Variants in RASSF3 observed in about 807,000 individuals in gnomAD.
RASSF3 encodes the protein Ras association domain family member 3.
In RASSF3, 19 loss-of-function variants were observed where a neutral mutation model predicts 19.9. That is an observed-to-expected ratio of 0.96 (90% CI 0.67 to 1.40). The LOEUF is 1.40. Ranked by LOEUF, RASSF3 falls within the 40% of genes most tolerant of loss-of-function variation. The probability of loss-of-function intolerance (pLI) is 0.00; values close to 1 mark genes in which losing one functional copy is unlikely to be tolerated. For missense variants in RASSF3, 306 were observed against 289.8 expected, an observed-to-expected ratio of 1.06 and a Z score of -0.41; for synonymous variants, 110 against 104.2, an observed-to-expected ratio of 1.06 and a Z score of -0.34.
At chr12:64,691,733 G>GAGAAGTGAGTTGGAGGGC (rs1555217318) in intron 4 of RASSF3, among the ~76,000 whole-genome samples, 154 bp downstream of exon 4, 1 of 152,152 alleles carries the variant, frequency 6.6e-6, no homozygotes, top group Non-Finnish European at 1.5e-5. Context: ...AGGGCAGGGA[G>GAGAAGTGAGTTGGAGGGC]AGGGAGAGGG....
Position 64,696,950 on chromosome 12 carries a change from C to T in RASSF3, c.*2038C>T, listed in dbSNP as rs1868384464. On this transcript the variant is annotated 3_prime_UTR_variant, in exon 5 of 5. Transcript: ENST00000542104. ...CTGGATTTGAGTATATTGTTATTAC[C>T]ACCTGGTTTTTTAATTATTCATCCC... The T allele has an allele frequency of 6.6e-6, 1 of 151,970 alleles. No homozygotes were observed. Among genetic ancestry groups the T allele is most frequent in the Admixed American group, 6.6e-5 (1 of 15,246 alleles). The allele number at this position is 151,970 out of a possible 1,614,324, so 9.4% of individuals were successfully genotyped here.
upstream of RASSF3, among the ~76,000 whole-genome samples, chr12:64,530,907 T>C (rs1015648316): frequency 1.3e-5 from 2 of 152,236 alleles, no homozygotes; most frequent in African/African-American, 2.4e-5. Context: ...ATTTGTTAAG[T>C]AGGTTACTTG....
At chr12:64,640,498 C>G (rs75957935) in intron 1 of RASSF3, among the ~76,000 whole-genome samples, 1,712 of 152,264 alleles carry the variant, frequency 0.011, 33 homozygotes, top group African/African-American at 0.04. Flanking sequence ...TTTCTATTTT[C>G]AGCTTTTATA....
At chr12:64,663,981 G>A (rs1028111234) in intron 1 of RASSF3, among the ~76,000 whole-genome samples, 6 of 151,524 alleles carry the variant, frequency 4.0e-5, no homozygotes, top group Middle Eastern at 3.4e-3. Flanking sequence ...ATGGCAGCAC[G>A]CCAATATATA....
At chr12:64,586,267 T>C (rs971723053) in intron 2 of RASSF3, among the ~76,000 whole-genome samples, 7 of 148,570 alleles carry the variant, frequency 4.7e-5, no homozygotes, top group Non-Finnish European at 1.0e-4. Flanking sequence ...GAGGCGGCAG[T>C]GAGCCGAGAT....
intron 2 of RASSF3, among the ~76,000 whole-genome samples, chr12:64,605,337 GC>G (rs1308438892): frequency 6.6e-6 from 1 of 150,672 alleles, no homozygotes; most frequent in Non-Finnish European, 1.5e-5. Flanking sequence ...CCTTTTTAAA[GC>G]CAATTTAAAT....
rs73315517 is a variant in RASSF3, at chr12:64,510,220, T to C, written c.169+2891T>C. On this transcript the variant is annotated intron_variant, in intron 1 of 5. Transcript: ENST00000637125. ...TTTCTTCTATCTCCAGTGTTTAACA[T>C]AGTGTTTTGTATGTGGGCAGTCAAT... is the stretch of plus-strand genomic sequence containing the variant. Among the ~76,000 whole-genome samples the C allele has an allele frequency of 8.9e-3, 1,356 of 152,282 alleles. 21 individuals carry two copies. The highest frequency in any genetic ancestry group is 0.031 in the African/African-American group (1,298 of 41,556).
chr12:64,601,749 G>C (rs957946842), intron 2 of RASSF3, among the ~76,000 whole-genome samples: 3 of 152,026 alleles, frequency 2.0e-5, no homozygotes, highest in Non-Finnish European at 4.4e-5. Flanking sequence ...GGAGGGGGAG[G>C]CTTCAGTGAG....
At chr12:64,527,972 A>G (rs1386914056) in intron 1 of RASSF3, among the ~76,000 whole-genome samples, 2 of 149,948 alleles carry the variant, frequency 1.3e-5, no homozygotes, top group Non-Finnish European at 3.0e-5. Flanking sequence ...TAAAAAATTG[A>G]TACAGGCCAG....
At chr12:64,570,594 T>A (rs1869501719) in intron 2 of RASSF3, among the ~76,000 whole-genome samples, 1 of 152,192 alleles carries the variant, frequency 6.6e-6, no homozygotes, top group African/African-American at 2.4e-5. Flanking sequence ...CTGGCTTAAC[T>A]TGCTGACTAG....
At chr12:64,586,308 T>C (rs1463022660) in intron 2 of RASSF3, among the ~76,000 whole-genome samples, 6 of 147,292 alleles carry the variant, frequency 4.1e-5, no homozygotes, top group Non-Finnish European at 7.5e-5. Flanking sequence ...TGGGCGACAG[T>C]GTGAGACTCT....
Position 64,623,022 on chromosome 12 carries a change from T to G in RASSF3, c.111+12279T>G, listed in dbSNP as rs542383645. Among the ~76,000 whole-genome samples the G allele has an allele frequency of 2.8e-4, 42 of 152,180 alleles. No homozygotes were observed. The South Asian group carries it at 8.5e-3, about 31-fold the overall frequency. ...TTTTAGTAGAGACGGGGTTTCACCATGTTGGTCAGGCTGGTCTCGAACCCC... is the reference window on the plus strand; with the variant it reads ...TTTTAGTAGAGACGGGGTTTCACCAGGTTGGTCAGGCTGGTCTCGAACCCC... On this transcript the variant is annotated intron_variant, in intron 1 of 4. Transcript: ENST00000542104.
chr12:64,528,327 G>A (rs1452533758), upstream of RASSF3, among the ~76,000 whole-genome samples: 3 of 152,184 alleles, frequency 2.0e-5, no homozygotes, highest in African/African-American at 4.8e-5. Context: ...ATTTCAAAAT[G>A]TTGATTTTAG....
intron 2 of RASSF3, among the ~76,000 whole-genome samples, chr12:64,588,752 AT>A (rs1323990536): frequency 1.3e-5 from 2 of 152,132 alleles, no homozygotes; most frequent in Non-Finnish European, 2.9e-5. Flanking sequence ...TTAGTTTTAT[AT>A]TCTACTTTCT....
intron 1 of RASSF3, among the ~76,000 whole-genome samples, chr12:64,681,961 C>T (rs1565870180): frequency 6.6e-6 from 1 of 152,158 alleles, no homozygotes. Flanking sequence ...GCCGTGATCA[C>T]GCCCCTAAAC....
chr12:64,513,711 A>G (rs571880988), intron 1 of RASSF3, among the ~76,000 whole-genome samples: 20 of 152,116 alleles, frequency 1.3e-4, no homozygotes, highest in Non-Finnish European at 2.1e-4. Context: ...AATCTCAAGA[A>G]CCTCCAAATT....
chr12:64,639,171 C>T (rs997379889), intron 1 of RASSF3, among the ~76,000 whole-genome samples: 8 of 152,084 alleles, frequency 5.3e-5, no homozygotes, highest in Middle Eastern at 3.4e-3. Context: ...GCTGTAATGG[C>T]GCTTTGCATA....
chr12:64,629,779 A>G (rs1276930077), intron 1 of RASSF3: 1 of 151,860 alleles, frequency 6.6e-6, no homozygotes, highest in Non-Finnish European at 1.5e-5. Context: ...AGCCTGGCCA[A>G]CGTGATGAAA....
At chr12:64,617,620 C>T (rs1286761620) in intron 1 of RASSF3, among the ~76,000 whole-genome samples, 3 of 152,106 alleles carry the variant, frequency 2.0e-5, no homozygotes, top group African/African-American at 2.4e-5. Flanking sequence ...TACAATGATG[C>T]GATCTCCACT....
Sources: gnomAD v4.1 joint callset for allele counts (sites outside exome capture counted in the v4.1 genomes callset) on GRCh38, gnomAD v4.1.1 for gene constraint, MANE v1.5 for transcripts, NCBI Gene and HGNC (gene_info 2026-07-23, HGNC 2026-07-21) for gene names.